The following FILIP1L variants were observed in gnomAD, a reference collection of about 807,000 sequenced individuals.
FILIP1L encodes the protein filamin A interacting protein 1 like.
A neutral mutation model predicts 96.6 loss-of-function variants in FILIP1L; 55 were observed. That is an observed-to-expected ratio of 0.57 (90% CI 0.46 to 0.71). The LOEUF (loss-of-function observed/expected upper bound fraction) is 0.71, where lower values mean the gene tolerates loss of function less well. Among genes scored for constraint, FILIP1L ranks in the 30% least tolerant of loss-of-function variants. The pLI is 0.00. For synonymous variants in FILIP1L, 467 were observed against 473.9 expected, an observed-to-expected ratio of 0.99 and a Z score of 0.19; for missense variants, 1,304 against 1,321.2, an observed-to-expected ratio of 0.99 and a Z score of 0.20.
intron 4 of FILIP1L, among the ~76,000 whole-genome samples, chr3:99,903,075 G>A (rs1270396001): frequency 6.6e-6 from 1 of 151,942 alleles, no homozygotes; most frequent in African/African-American, 2.4e-5. Context: ...TGTGTCCCTA[G>A]GTACCTTATT....
At chr3:99,974,449 C>G (rs1296728495) in intron 1 of FILIP1L, among the ~76,000 whole-genome samples, 1 of 152,156 alleles carries the variant, frequency 6.6e-6, no homozygotes, top group Non-Finnish European at 1.5e-5. Context: ...GTGGCTCACG[C>G]CTGTAATCAC....
At chr3:100,071,322 G>A (rs1055286785) in intron 1 of FILIP1L, among the ~76,000 whole-genome samples, 2 of 152,114 alleles carry the variant, frequency 1.3e-5, no homozygotes, top group South Asian at 4.1e-4. Flanking sequence ...AAGACAGTAA[G>A]GGACAGGGAC....
Position 99,842,575 on chromosome 3 carries a change from GGAA to G in FILIP1L, c.3381+5717_3381+5719del, listed in dbSNP as rs1356497256. Among the ~76,000 whole-genome samples the G allele has an allele frequency of 8.0e-5, 12 of 150,648 alleles. No homozygotes were observed. In the East Asian group the frequency reaches 2.1e-3, roughly 27 times the overall value. ...TACCAGGACCATTTGGCTATGAGGA[GGAA>G]GAAGAACTCACTAAAATAAGAAAAC... On this transcript the variant is annotated intron_variant, in intron 5 of 5. Coordinates refer to ENST00000477258, the MANE Select transcript of FILIP1L (RefSeq NM_001387850.1).
chr3:99,983,506 A>ATG (rs1709232507), intron 1 of FILIP1L, among the ~76,000 whole-genome samples: 1 of 97,852 alleles, frequency 1.0e-5, no homozygotes, highest in Non-Finnish European at 2.1e-5. Flanking sequence ...ATATATATAT[A>ATG]TATGTATATA....
intron 4 of FILIP1L, among the ~76,000 whole-genome samples, chr3:99,884,672 G>A (rs1705835118): frequency 6.6e-6 from 1 of 152,212 alleles, no homozygotes; most frequent in Non-Finnish European, 1.5e-5. Context: ...ATGAAAGGAA[G>A]TGCTTTGAAT....
At chr3:99,911,186 T>C (rs974554560) in intron 4 of FILIP1L, among the ~76,000 whole-genome samples, 7 of 152,152 alleles carry the variant, frequency 4.6e-5, no homozygotes, top group African/African-American at 1.7e-4. Flanking sequence ...TGGAAATGTA[T>C]TTCTTCAATC....
intron 1 of FILIP1L, among the ~76,000 whole-genome samples, chr3:100,084,018 A>G (rs2065969581): frequency 6.6e-6 from 1 of 152,138 alleles, no homozygotes; most frequent in South Asian, 2.1e-4. Flanking sequence ...AATTTGTGTT[A>G]TTTCTTCCTT....
intron 1 of FILIP1L, among the ~76,000 whole-genome samples, chr3:99,971,814 T>TTGAA (rs911633511): frequency 2.0e-5 from 3 of 152,196 alleles, no homozygotes; most frequent in Non-Finnish European, 2.9e-5. Context: ...GGTTCCTAGC[T>TTGAA]TGAATGAATG....
At chr3:100,028,557 A>T (rs1186747701) in intron 1 of FILIP1L, among the ~76,000 whole-genome samples, 2 of 152,334 alleles carry the variant, frequency 1.3e-5, no homozygotes, top group East Asian at 3.9e-4. Context: ...TTTATTACTA[A>T]TTACAAAATT....
intron 1 of FILIP1L, chr3:100,110,052 A>T (rs914198052): frequency 6.6e-6 from 1 of 152,116 alleles, no homozygotes; most frequent in South Asian, 2.1e-4. Flanking sequence ...CAGCCCGAAG[A>T]TAAATCAAGT....
chr3:99,912,457 G>C (rs932246770), intron 4 of FILIP1L, among the ~76,000 whole-genome samples: 2 of 152,096 alleles, frequency 1.3e-5, no homozygotes, highest in African/African-American at 4.8e-5. Context: ...GCTTACTGCA[G>C]CCTTGACCTC....
intron 1 of FILIP1L, among the ~76,000 whole-genome samples, chr3:99,999,681 C>T (rs1185347957): frequency 6.6e-6 from 1 of 152,102 alleles, no homozygotes; most frequent in East Asian, 1.9e-4. Context: ...CTTGATGGTT[C>T]ATTGCTTTAT....
chr3:100,035,634 C>A (rs960960250), intron 1 of FILIP1L, among the ~76,000 whole-genome samples: 2 of 152,158 alleles, frequency 1.3e-5, no homozygotes, highest in African/African-American at 2.4e-5. Context: ...TTTCACCCCA[C>A]CAAACTGTTA....
At chr3:99,961,518 A>T (rs1382417276) in intron 1 of FILIP1L, among the ~76,000 whole-genome samples, 1 of 152,172 alleles carries the variant, frequency 6.6e-6, no homozygotes, top group African/African-American at 2.4e-5. Flanking sequence ...TTGCCAGCCC[A>T]TGTGTGAACC....
At chr3:99,932,826 G>A (rs1191501013) in intron 1 of FILIP1L, among the ~76,000 whole-genome samples, 1 of 152,156 alleles carries the variant, frequency 6.6e-6, no homozygotes, top group Non-Finnish European at 1.5e-5. Flanking sequence ...AGGAGGCCGA[G>A]GTTGCATTGA....
intron 3 of FILIP1L, among the ~76,000 whole-genome samples, chr3:99,929,281 C>T (rs760693694): frequency 6.6e-6 from 1 of 152,074 alleles, no homozygotes; most frequent in Non-Finnish European, 1.5e-5. Flanking sequence ...TTGCTAGGTA[C>T]GCTTGGTGAG....
chr3:99,910,556 CT>C (rs1706756679), intron 4 of FILIP1L, among the ~76,000 whole-genome samples: 1 of 136,830 alleles, frequency 7.3e-6, no homozygotes, highest in South Asian at 2.5e-4. Context: ...CCCCTTACCA[CT>C]TTCCAAGGAA....
Position 99,864,777 on chromosome 3 carries a change from C to T in FILIP1L, c.606-13707G>A, listed in dbSNP as rs1032007094. 2.0e-4 allele frequency among the ~76,000 whole-genome samples: 31 copies of T among 152,070 alleles called. 1 individual carries two copies. The stretch of plus-strand genomic sequence containing the variant: ...ACGGCATGGTGTGCTTTTGTGCTCG[C>T]TGTCTCCCCAGGAACCACTGGATTC... On this transcript the variant is annotated intron_variant, in intron 4 of 5. Coordinates refer to ENST00000477258, the MANE Select transcript of FILIP1L (RefSeq NM_001387850.1).
chr3:99,922,055 C>G (rs1344228687), intron 4 of FILIP1L, among the ~76,000 whole-genome samples: 1 of 152,184 alleles, frequency 6.6e-6, no homozygotes, highest in Non-Finnish European at 1.5e-5. Flanking sequence ...CTTCACATTC[C>G]CACCATAAAT....
Sources: gnomAD v4.1 joint callset for allele counts (sites outside exome capture counted in the v4.1 genomes callset) on GRCh38, gnomAD v4.1.1 for gene constraint, MANE v1.5 for transcripts, NCBI Gene and HGNC (gene_info 2026-07-23, HGNC 2026-07-21) for gene names.